Variants in PPFIA2 observed in about 807,000 individuals in gnomAD.
PPFIA2 encodes the protein liprin-alpha-2.
A neutral mutation model predicts 175.5 loss-of-function variants in PPFIA2; 46 were observed. That is an observed-to-expected ratio of 0.26 (90% CI 0.21 to 0.34). PPFIA2 has a LOEUF of 0.34. Ranked by LOEUF, PPFIA2 falls within the 10% of genes least tolerant of loss-of-function variation. The pLI is 1.00. For missense variants in PPFIA2, 1,179 were observed against 1,506.1 expected (o/e 0.78, Z 3.60); for synonymous variants, 568 against 511.4 (o/e 1.11, Z -1.49).
At chr12:81,539,557 T>C (rs1002888874) in intron 4 of PPFIA2, among the ~76,000 whole-genome samples, 2 of 151,974 alleles carry the variant, frequency 1.3e-5, no homozygotes, top group African/African-American at 4.8e-5. Context: ...ACCCATGCCA[T>C]AACGAATCAG....
chr12:81,344,236 A>G (rs2058655181), intron 19 of PPFIA2, among the ~76,000 whole-genome samples: 1 of 152,022 alleles, frequency 6.6e-6, no homozygotes, highest in Non-Finnish European at 1.5e-5. Context: ...GTGAGTAACA[A>G]GCTATCTTTT....
At chr12:81,347,207 C>T (rs1440561961) in intron 18 of PPFIA2, among the ~76,000 whole-genome samples, 3 of 151,978 alleles carry the variant, frequency 2.0e-5, no homozygotes, top group African/African-American at 7.2e-5. Flanking sequence ...CCTGCCTCAG[C>T]CTCCAAAAGC....
chr12:81,282,392 C>A (rs73156067), intron 26 of PPFIA2, among the ~76,000 whole-genome samples: 1 of 152,106 alleles, frequency 6.6e-6, no homozygotes, highest in Admixed American at 6.5e-5. Flanking sequence ...AATGTAACTA[C>A]CAAATTTTTT....
At chr12:81,706,931 T>G (rs1409081448) in intron 3 of PPFIA2, among the ~76,000 whole-genome samples, 1 of 152,192 alleles carries the variant, frequency 6.6e-6, no homozygotes, top group East Asian at 1.9e-4. Flanking sequence ...AAGGATTCCC[T>G]ATTTAATAAA....
intron 4 of PPFIA2, among the ~76,000 whole-genome samples, chr12:81,524,079 A>T (rs1348057290): frequency 1.3e-5 from 2 of 151,994 alleles, no homozygotes; most frequent in African/African-American, 4.8e-5. Flanking sequence ...GGGAGTGACT[A>T]CCTCCATCTT....
intron 28 of PPFIA2, among the ~76,000 whole-genome samples, chr12:81,273,490 T>C (rs1451277808): frequency 4.6e-5 from 7 of 152,228 alleles, no homozygotes; most frequent in African/African-American, 1.7e-4. Context: ...TTACCATTTA[T>C]TGATTTATCT....
chr12:81,706,221 T>C (rs1367812183), intron 3 of PPFIA2, among the ~76,000 whole-genome samples: 4 of 152,188 alleles, frequency 2.6e-5, no homozygotes, highest in Admixed American at 6.5e-5. Flanking sequence ...AAACAATATG[T>C]AATATAAATA....
intron 7 of PPFIA2, among the ~76,000 whole-genome samples, chr12:81,413,194 G>A (rs1315593004): frequency 6.6e-6 from 1 of 151,520 alleles, no homozygotes. Flanking sequence ...TCAGTTCTTA[G>A]GACACTGACT....
intron 14 of PPFIA2, among the ~76,000 whole-genome samples, chr12:81,365,107 C>A (rs141125073): frequency 6.6e-6 from 1 of 151,544 alleles, no homozygotes; most frequent in Admixed American, 6.6e-5. Flanking sequence ...GTGTTTAAAT[C>A]CAGGAGATCA....
At chr12:81,584,072 T>A (rs2153431759) in intron 4 of PPFIA2, among the ~76,000 whole-genome samples, 1 of 152,054 alleles carries the variant, frequency 6.6e-6, no homozygotes, top group South Asian at 2.1e-4. Context: ...ATTAAAATAT[T>A]TGTTTTAACC....
At chr12:81,717,183 A>G (rs1261338725) in intron 3 of PPFIA2, among the ~76,000 whole-genome samples, 1 of 151,770 alleles carries the variant, frequency 6.6e-6, no homozygotes, top group Non-Finnish European at 1.5e-5. Context: ...AAGCAGTCAT[A>G]CACATTATAT....
chr12:81,555,036 A>G (rs376286565), intron 4 of PPFIA2, among the ~76,000 whole-genome samples: 76 of 152,136 alleles, frequency 5.0e-4, no homozygotes, highest in Non-Finnish European at 2.6e-4. Flanking sequence ...CATTTACAAC[A>G]GCATTTTTCA....
chr12:81,295,195 A>G (rs900070493), intron 23 of PPFIA2, among the ~76,000 whole-genome samples, 160 bp from the exon 24 acceptor site: 3 of 152,174 alleles, frequency 2.0e-5, no homozygotes, highest in African/African-American at 7.2e-5. Flanking sequence ...TGCACAAAGA[A>G]ATTAAATGAT....
intron 4 of PPFIA2, among the ~76,000 whole-genome samples, chr12:81,568,779 T>C (rs2071883852): frequency 6.6e-6 from 1 of 152,124 alleles, no homozygotes; most frequent in Non-Finnish European, 1.5e-5. Context: ...CCATTCCCCA[T>C]CTTGATGGAG....
rs184808313 is a variant in PPFIA2, at chr12:81,750,114, T to C, written c.249+3859A>G. Among the ~76,000 whole-genome samples the C allele has an allele frequency of 1.4e-3, 193 of 142,128 alleles. 5 individuals carry two copies. Among genetic ancestry groups the C allele is most frequent in the African/African-American group, 4.5e-3 (183 of 40,748 alleles). 93.2% of individuals were successfully genotyped at this position (142,128 alleles called of 152,430 possible). A position where few individuals can be genotyped will look rare whatever the true frequency, so the allele number is the denominator to read the frequency against. Reference sequence around the variant, plus strand: ...AATGTACTTAGGGTTCAGAAAAGAGTTCCTGAAAGAGATAAACTTTTGGCT... The same window carrying C: ...AATGTACTTAGGGTTCAGAAAAGAGCTCCTGAAAGAGATAAACTTTTGGCT... On this transcript the variant is annotated intron_variant, in intron 3 of 32. Transcript: ENST00000549396.
chr12:81,491,144 A>G (rs979461748), intron 4 of PPFIA2, among the ~76,000 whole-genome samples: 3 of 151,466 alleles, frequency 2.0e-5, no homozygotes, highest in East Asian at 3.9e-4. Flanking sequence ...ATTTTTACCA[A>G]TTATGATCTC....
intron 4 of PPFIA2, among the ~76,000 whole-genome samples, chr12:81,536,233 T>C (rs1284855907): frequency 6.6e-6 from 1 of 151,772 alleles, no homozygotes; most frequent in Non-Finnish European, 1.5e-5. Context: ...TGAAACAAGA[T>C]AAATGTATCA....
intron 4 of PPFIA2, among the ~76,000 whole-genome samples, chr12:81,541,683 T>G (rs1307237989): frequency 6.6e-6 from 1 of 152,146 alleles, no homozygotes; most frequent in Non-Finnish European, 1.5e-5. Context: ...AAAAAAACCC[T>G]GCTAATAGTT....
chr12:81,329,680 GGGCATCT>G (rs529066745), intron 21 of PPFIA2, among the ~76,000 whole-genome samples: 82 of 152,226 alleles, frequency 5.4e-4, no homozygotes, highest in African/African-American at 1.9e-3. Context: ...AGGCTCCCTG[GGGCATCT>G]GGTCGAGTGC....
Sources: allele counts gnomAD v4.1 joint callset (sites outside exome capture counted in the v4.1 genomes callset), GRCh38; gene constraint gnomAD v4.1.1; transcripts MANE v1.5; gene names NCBI Gene and HGNC (gene_info 2026-07-23, HGNC 2026-07-21).